GZMK: variants seen among roughly 807,000 people sequenced by gnomAD.
The protein encoded by GZMK is NK-Tryp-2.
Under a neutral mutation model 22.8 loss-of-function variants are expected in GZMK, and 18 were observed. That is an observed-to-expected ratio of 0.79 (90% CI 0.54 to 1.17). The LOEUF is 1.17. Among genes scored for constraint, GZMK ranks in the 50% most tolerant of loss-of-function variants. The pLI is 0.00. For synonymous variants in GZMK, 136 were observed against 115.0 expected (o/e 1.18, Z -1.17); for missense variants, 342 against 320.2 (o/e 1.07, Z -0.52).
chr5:55,028,355 A>G (rs1254621366), intron 2 of GZMK: 1 of 152,184 alleles, frequency 6.6e-6, no homozygotes, highest in Non-Finnish European at 1.5e-5. Flanking sequence ...ATTCAAATCA[A>G]TCCTAGGAAA....
intron 2 of GZMK, among the ~76,000 whole-genome samples, chr5:55,027,153 A>G (rs1741153262): frequency 6.6e-6 from 1 of 152,228 alleles, no homozygotes; most frequent in Admixed American, 6.5e-5. Flanking sequence ...CATAATACCT[A>G]TCTCACCACG....
In GZMK at chr5:55,031,537, A is replaced by G. The variant is rs1256949309; in HGVS notation, c.537A>G (p.Lys179=). 6.2e-7 allele frequency: 1 copy of G among 1,614,082 alleles called. No individual in the cohort carries two copies. The highest frequency in any genetic ancestry group is 1.7e-5 in the Admixed American group (1 of 60,024). Residue 179 remains lysine, a synonymous_variant, in exon 4 of 5, where the codon AAA becomes AAG. Transcript: ENST00000231009. ...REVTVTVLSR[K]LCNSQSYYNG... is the part of the protein sequence containing the mutation. ...TCACTGTTACTGTCCTAAGTCGAAAACTTTGCAACAGCCAAAGTTACTACA... is the reference window on the plus strand; with the variant it reads ...TCACTGTTACTGTCCTAAGTCGAAAGCTTTGCAACAGCCAAAGTTACTACA...
chr5:55,033,872 C>G lies in GZMK; in HGVS notation c.741C>G (p.Thr247=). The stretch of plus-strand genomic sequence containing the variant: ...AGCCTGGAATCTACACCCTGTTAAC[C>G]AAGAAATACCAGACTTGGATCAAAA... ...ATKPGIYTLL[T]KKYQTWIKSN... The change falls in exon 5 of 5, where the codon ACC becomes ACG. Residue 247 remains threonine (T), a synonymous_variant. Transcript: ENST00000231009. The G allele has an allele frequency of 6.2e-7, 1 of 1,613,662 alleles. No individual in the cohort carries two copies. Among genetic ancestry groups the G allele is most frequent in the East Asian group, 2.2e-5 (1 of 44,870 alleles).
Position 55,031,604 on chromosome 5 carries a change from G to C in GZMK, c.604G>C (p.Asp202His). Residue 202 changes from aspartate to histidine, a missense_variant, in exon 4 of 5, where the codon GAT (aspartate) becomes CAT (histidine). Physicochemically the swap from Asp to His is moderately conservative, Grantham distance 81 (BLOSUM62 -1). Coordinates refer to ENST00000231009, the MANE Select transcript of GZMK (RefSeq NM_002104.3). ...FITKDMVCAG[D>H]AKGQKDSCKG... ...CACCAAAGACATGGTCTGTGCAGGA[G>C]ATGCCAAAGGCCAGAAGGATTCCTG... is the stretch of plus-strand genomic sequence containing the variant. 1 of 1,613,928 alleles carries C rather than the reference G, an allele frequency of 6.2e-7. No homozygotes were observed. The highest frequency in any genetic ancestry group is 8.5e-7 in the Non-Finnish European group (1 of 1,179,830).
rs777789333 is a variant in GZMK, at chr5:55,034,081, C to T, written c.*155C>T. 1.2e-4 allele frequency: 69 copies of T among 563,680 alleles called. No individual in the cohort carries two copies. The highest frequency in any genetic ancestry group is 2.8e-5 in the Non-Finnish European group (9 of 323,054). The allele number at this position is 563,680 out of a possible 1,614,324, so 34.9% of individuals were successfully genotyped here. A position where few individuals can be genotyped will look rare whatever the true frequency, so the allele number is the denominator to read the frequency against. ...ATCAAGTTCTTTTTCACTTGTATCA[C>T]TGATGTATTTCTACCATGCTGGTTT... On this transcript the variant is annotated 3_prime_UTR_variant, in exon 5 of 5. Coordinates refer to ENST00000231009, the MANE Select transcript of GZMK (RefSeq NM_002104.3).
At chr5:55,031,927 C>T (rs1449567130) in intron 4 of GZMK, among the ~76,000 whole-genome samples, 1 of 152,194 alleles carries the variant, frequency 6.6e-6, no homozygotes, top group Non-Finnish European at 1.5e-5. Context: ...ATCCTCCTTA[C>T]AAAGTCTACC....
chr5:55,025,800 G>A (rs1442008481), intron 2 of GZMK: 2 of 152,146 alleles, frequency 1.3e-5, no homozygotes, highest in African/African-American at 4.8e-5. Context: ...GCTTTTCTAT[G>A]CTTTGGGGGT....
In GZMK at chr5:55,031,599, C is replaced by CA. The variant is rs1741235104; in HGVS notation, c.600dup (p.Gly201ArgfsTer11). On this transcript the variant is annotated frameshift_variant, in exon 4 of 5. Coordinates refer to ENST00000231009, the MANE Select transcript of GZMK (RefSeq NM_002104.3). LOFTEE classifies it low-confidence loss of function (END_TRUNC). Reference sequence around the variant, plus strand: ...TTTATCACCAAAGACATGGTCTGTGCAGGAGATGCCAAAGGCCAGAAGGAT... The same window carrying CA: ...TTTATCACCAAAGACATGGTCTGTGCAAGGAGATGCCAAAGGCCAGAAGGAT... The CA allele has an allele frequency of 6.2e-7, 1 of 1,613,744 alleles. No individual in the cohort carries two copies. Among genetic ancestry groups the CA allele is most frequent in the South Asian group, 1.1e-5 (1 of 91,064 alleles).
At chr5:55,030,811 A>T (rs1434066406) in intron 3 of GZMK, among the ~76,000 whole-genome samples, 1 of 152,238 alleles carries the variant, frequency 6.6e-6, no homozygotes, top group Non-Finnish European at 1.5e-5. Flanking sequence ...AGCAACTCTG[A>T]TACTCAACAT....
In GZMK at chr5:55,024,361, A is replaced by T. The variant is rs1561256010; in HGVS notation, c.39A>T (p.Ile13=). 6.7e-7 allele frequency: 1 copy of T among 1,493,852 alleles called. No homozygotes were observed. Among genetic ancestry groups the T allele is most frequent in the Non-Finnish European group, 9.3e-7 (1 of 1,072,286 alleles). The allele number at this position is 1,493,852 out of a possible 1,614,324, so 92.5% of individuals were successfully genotyped here. ...KFSSFSLFFL[I]VGAYMTHVCF... is the part of the protein sequence containing the mutation. ...CTTCCTTTTCTCTGTTTTTCCTAAT[A>T]GTTGGGGCTTATATGACTCATGTGT... The change falls in exon 1 of 5, where the codon ATA becomes ATT. Residue 13 remains isoleucine, a synonymous_variant. Transcript: ENST00000231009.
Position 55,033,645 on chromosome 5 carries a change from G to A in GZMK, c.634-120G>A, listed in dbSNP as rs1741268373. The A allele has an allele frequency of 4.4e-6, 3 of 682,986 alleles. No individual in the cohort carries two copies. The East Asian group carries it at 8.2e-5, about 19-fold the overall frequency. The allele number at this position is 682,986 out of a possible 1,614,324, so 42.3% of individuals were successfully genotyped here. On this transcript the variant is annotated intron_variant, in intron 4 of 4. Transcript: ENST00000231009. ...AAGAGGCAGTGTCAGACACTCTTCT[G>A]GACATAAAGAAAGCAAAGACCCAGA...
Position 55,034,000 on chromosome 5 carries a change from T to A in GZMK, c.*74T>A. On this transcript the variant is annotated 3_prime_UTR_variant, in exon 5 of 5. Transcript: ENST00000231009. ...CTCGCAGGTTAGAGTTGGGTGTAAG[T>A]AAAGCAGAGCACATATGGGGTCCAT... is the stretch of plus-strand genomic sequence containing the variant. 1 of 1,221,822 alleles carries A rather than the reference T, an allele frequency of 8.2e-7. No individual in the cohort carries two copies. The highest frequency in any genetic ancestry group is 1.2e-6 in the Non-Finnish European group (1 of 861,022). 75.7% of individuals were successfully genotyped at this position (1,221,822 alleles called of 1,614,324 possible).
At chr5:55,031,691 A>G (rs1418710200) in intron 4 of GZMK, 58 bp downstream of exon 4, 7 of 1,418,650 alleles carry the variant, frequency 4.9e-6, no homozygotes, top group Non-Finnish European at 9.8e-7. Flanking sequence ...CCAAGCCTCT[A>G]TTGCTCACTG....
rs767478183 is a variant in GZMK, at chr5:55,033,761, C to G, written c.634-4C>G. The G allele has an allele frequency of 1.3e-6, 2 of 1,590,990 alleles. No individual in the cohort carries two copies. Among genetic ancestry groups the G allele is most frequent in the Non-Finnish European group, 1.7e-6 (2 of 1,173,420 alleles). On this transcript the variant is annotated splice_region_variant and splice_polypyrimidine_tract_variant and intron_variant, in intron 4 of 4. Coordinates refer to ENST00000231009, the MANE Select transcript of GZMK (RefSeq NM_002104.3). ...CACGTATTTGCCCTTTTTCTTCCTT[C>G]CAGGGTGACTCAGGGGGCCCCTTGA...
At chr5:55,024,982 C>T (rs1741122681) in intron 2 of GZMK, 175 bp downstream of exon 2, 1 of 467,010 alleles carries the variant, frequency 2.1e-6, no homozygotes, top group African/African-American at 2.0e-5. Flanking sequence ...CTTGGGTTTT[C>T]CTTTTCAGAG....
Position 55,034,257 on chromosome 5 carries a change from G to A in GZMK, c.*331G>A. 1 of 235,950 alleles carries A rather than the reference G, an allele frequency of 4.2e-6. No homozygotes were observed. The allele number at this position is 235,950 out of a possible 1,614,324, so 14.6% of individuals were successfully genotyped here. A position where few individuals can be genotyped will look rare whatever the true frequency, so the allele number is the denominator to read the frequency against. ...CTTCAACTAGGTGTAACTTCTGCTG[G>A]ATCATCCTAAGTTGTTGGGTTGTTT... On this transcript the variant is annotated 3_prime_UTR_variant, in exon 5 of 5. Transcript: ENST00000231009.
At chr5:55,030,612 T>A in intron 3 of GZMK, 28 bp downstream of exon 3, 2 of 1,581,512 alleles carry the variant, frequency 1.3e-6, no homozygotes, top group African/African-American at 1.3e-5. Flanking sequence ...CTTCCTTCTA[T>A]TTTGTCAACA....
chr5:55,031,633 G>A lies in GZMK; in HGVS notation c.633G>A (p.Lys211=), dbSNP rs1369447516. ...CCAAAGGCCAGAAGGATTCCTGTAAGGTAAGAATCTCTCTTTCAAACAGGC... is the reference window on the plus strand; with the variant it reads ...CCAAAGGCCAGAAGGATTCCTGTAAAGTAAGAATCTCTCTTTCAAACAGGC... ...GDAKGQKDSC[K]GDSGGPLICK... The change falls in exon 4 of 5, where the codon AAG becomes AAA. Residue 211 remains lysine (K), a splice_region_variant and synonymous_variant. Transcript: ENST00000231009. The A allele has an allele frequency of 6.2e-7, 1 of 1,610,528 alleles. No homozygotes were observed. The highest frequency in any genetic ancestry group is 1.1e-5 in the South Asian group (1 of 90,980).
At position 55,031,362 on chromosome 5, in the gene GZMK, A is replaced by G; in HGVS notation, c.364-2A>G. 1 of 1,609,534 alleles carries G rather than the reference A, an allele frequency of 6.2e-7. No individual in the cohort carries two copies. Among genetic ancestry groups the G allele is most frequent in the Non-Finnish European group, 8.5e-7 (1 of 1,176,754 alleles). On this transcript the variant is annotated splice_acceptor_variant, in intron 3 of 4. Coordinates refer to ENST00000231009, the MANE Select transcript of GZMK (RefSeq NM_002104.3). LOFTEE classifies it high-confidence loss of function. ...TAATTCCATCTTTTTTCAATCTGTCAGCTTCAAACAGCCGCAAAACTCAAT... is the reference window on the plus strand; with the variant it reads ...TAATTCCATCTTTTTTCAATCTGTCGGCTTCAAACAGCCGCAAAACTCAAT...
Sources: allele counts gnomAD v4.1 joint callset (sites outside exome capture counted in the v4.1 genomes callset), GRCh38; gene constraint gnomAD v4.1.1; transcripts MANE v1.5; gene names NCBI Gene and HGNC (gene_info 2026-07-23, HGNC 2026-07-21).